The following BRWD3 variants were observed in gnomAD, a reference collection of about 807,000 sequenced individuals.
BRWD3 encodes bromodomain and WD repeat domain containing 3.
Under a neutral mutation model 149.7 loss-of-function variants are expected in BRWD3, and 10 were observed. That is an observed-to-expected ratio of 0.07 (90% confidence interval 0.04 to 0.11). The LOEUF is 0.11. Among genes scored for constraint, BRWD3 ranks in the 10% least tolerant of loss-of-function variants. The probability of loss-of-function intolerance (pLI) is 1.00; values close to 1 mark genes in which losing one functional copy is unlikely to be tolerated. For synonymous variants in BRWD3, 504 were observed against 456.7 expected (o/e 1.10, Z -1.32); for missense variants, 940 against 1,373.2 (o/e 0.68, Z 4.99).
At chrX:80,762,191 A>C (rs759615410) in intron 6 of BRWD3, among the ~76,000 whole-genome samples, 1 of 111,818 alleles carries the variant, frequency 8.9e-6, no homozygotes, top group African/African-American at 3.2e-5. Flanking sequence ...GTTTACAAGC[A>C]AACATGTTTT....
In BRWD3 at chrX:80,682,476, A is replaced by C. The variant is rs1206580381; in HGVS notation, c.4386T>G (p.Ser1462Arg). ...CAATGTAATGATACCTAGGTGCTCC[A>C]CTACTAGATAATGAACTGCTGCTGC... ...LRSSSSSLSS[S>R]GAPSPKGKQK... The change falls in exon 38 of 41, where the codon AGT (serine) becomes AGG (arginine). Residue 1462 changes from serine (S) to arginine (R), a missense_variant. Coordinates refer to ENST00000373275, the MANE Select transcript of BRWD3 (RefSeq NM_153252.5). 4 of 1,209,992 alleles carry C rather than the reference A, an allele frequency of 3.3e-6. No individual in the cohort carries two copies. The South Asian group carries it at 5.3e-5, about 16-fold the overall frequency.
At chrX:80,749,918 A>G (rs1341106428) in intron 6 of BRWD3, among the ~76,000 whole-genome samples, 1 of 111,628 alleles carries the variant, frequency 9.0e-6, no homozygotes, top group African/African-American at 3.3e-5. Flanking sequence ...AACAGGATAT[A>G]AAGTCCAGAA....
rs916504769 is a variant in BRWD3 at position 80,671,553 on chromosome X, A to C, written c.*5056T>G. On this transcript the variant is annotated 3_prime_UTR_variant, in exon 41 of 41. Transcript: ENST00000373275. ...AAGCAGCAAGAGTGCAATTGATTCC[A>C]AACAACTTGGAATTTTATTGTAAAC... The C allele has an allele frequency of 8.9e-6, 1 of 112,124 alleles. No homozygotes were observed. The highest frequency in any genetic ancestry group is 1.9e-5 in the Non-Finnish European group (1 of 53,223). The allele number at this position is 112,124 out of a possible 1,213,427, so 9.2% of individuals were successfully genotyped here.
rs553501091 is a variant in BRWD3 at position 80,672,107 on chromosome X, T to A, written c.*4502A>T. 2 of 110,502 alleles carry A rather than the reference T, an allele frequency of 1.8e-5. No homozygotes were observed. The highest frequency in any genetic ancestry group is 5.7e-4 in the East Asian group (2 of 3,489). 9.1% of individuals were successfully genotyped at this position (110,502 alleles called of 1,213,427 possible). A position where few individuals can be genotyped will look rare whatever the true frequency, so the allele number is the denominator to read the frequency against. ...ATATGTCAAAGTCTCACATTCTAGA[T>A]TTAATTTAGAAGAAATGGGCATACA... On this transcript the variant is annotated 3_prime_UTR_variant, in exon 41 of 41. Transcript: ENST00000373275.
At chrX:80,759,671 CG>C (rs1257095966) in intron 6 of BRWD3, among the ~76,000 whole-genome samples, 1 of 111,711 alleles carries the variant, frequency 9.0e-6, no homozygotes, top group Admixed American at 9.6e-5. Flanking sequence ...ATGGTCCTTT[CG>C]GGCATTTCTA....
intron 6 of BRWD3, among the ~76,000 whole-genome samples, chrX:80,752,487 C>T (rs184898877): frequency 4.5e-5 from 5 of 111,413 alleles, no homozygotes; most frequent in Admixed American, 2.9e-4. Flanking sequence ...TACTATTTAC[C>T]ACAGAGGCTG....
rs2072531597 is a variant in BRWD3 at position 80,686,751 on chromosome X, G to A, written c.4005+112C>T. 4 of 807,341 alleles carry A rather than the reference G, an allele frequency of 5.0e-6. No homozygotes were observed. In the Admixed American group the frequency reaches 1.1e-4, roughly 22 times the overall value. The allele number at this position is 807,341 out of a possible 1,213,427, so 66.5% of individuals were successfully genotyped here. On this transcript the variant is annotated intron_variant, in intron 35 of 40. Coordinates refer to ENST00000373275, the MANE Select transcript of BRWD3 (RefSeq NM_153252.5). ...CTACTACTTTCACAATCAAAAGACT[G>A]GAAAAAAAGAAAGGAAAGGAGAGGT...
intron 4 of BRWD3, among the ~76,000 whole-genome samples, chrX:80,804,845 A>G (rs903988559): frequency 2.7e-5 from 3 of 112,081 alleles, no homozygotes; most frequent in African/African-American, 9.7e-5. Flanking sequence ...AGTAACAGCC[A>G]ACTAGGAAGC....
chrX:80,755,326 T>TA (rs750989674), intron 6 of BRWD3, among the ~76,000 whole-genome samples: 18 of 110,877 alleles, frequency 1.6e-4, no homozygotes, highest in Non-Finnish European at 3.0e-4. Context: ...GATGATTTGG[T>TA]AAAAAAAAGT....
intron 13 of BRWD3, among the ~76,000 whole-genome samples, chrX:80,729,668 A>C (rs1339444616): frequency 1.8e-5 from 2 of 111,562 alleles, no homozygotes; most frequent in Non-Finnish European, 3.8e-5. Context: ...CTCTGTAGGC[A>C]TCAGTAGAAC....
chrX:80,798,866 T>A (rs2147863294), intron 4 of BRWD3, among the ~76,000 whole-genome samples: 2 of 111,636 alleles, frequency 1.8e-5, no homozygotes, highest in Admixed American at 1.9e-4. Context: ...AATGTAAGGA[T>A]CCCTATGTAT....
At chrX:80,735,079 G>T (rs1416425283) in intron 10 of BRWD3, 48 bp downstream of exon 10, 2 of 1,037,188 alleles carry the variant, frequency 1.9e-6, no homozygotes, top group East Asian at 3.0e-5. Flanking sequence ...TTCACAACTG[G>T]ATCGTTAAAT....
intron 6 of BRWD3, among the ~76,000 whole-genome samples, chrX:80,789,905 G>A (rs759964928): frequency 1.9e-5 from 2 of 106,444 alleles, no homozygotes; most frequent in South Asian, 4.3e-4. Flanking sequence ...CCAGGCAGGC[G>A]TGGTGGCTCA....
chrX:80,671,676 A>C lies in BRWD3; in HGVS notation c.*4933T>G, dbSNP rs1006371756. ...ACTGCCAAACAAAACATCTTTTATAAATCAAGCCAGTTTATATTACCTTTT... is the reference window on the plus strand; with the variant it reads ...ACTGCCAAACAAAACATCTTTTATACATCAAGCCAGTTTATATTACCTTTT... On this transcript the variant is annotated 3_prime_UTR_variant, in exon 41 of 41. Coordinates refer to ENST00000373275, the MANE Select transcript of BRWD3 (RefSeq NM_153252.5). 2.9e-4 allele frequency: 32 copies of C among 112,217 alleles called. No homozygotes were observed. Among genetic ancestry groups the C allele is most frequent in the African/African-American group, 1.0e-3 (31 of 30,901 alleles). 9.2% of individuals were successfully genotyped at this position (112,217 alleles called of 1,213,427 possible). A position where few individuals can be genotyped will look rare whatever the true frequency, so the allele number is the denominator to read the frequency against.
chrX:80,772,485 G>A (rs149070728), intron 6 of BRWD3, among the ~76,000 whole-genome samples: 1,867 of 110,795 alleles, frequency 0.017, 20 homozygotes, highest in Non-Finnish European at 0.027. Context: ...GAGGCCAGGG[G>A]AGGGATAGCA....
At chrX:80,776,701 G>T (rs994012119) in intron 6 of BRWD3, among the ~76,000 whole-genome samples, 4 of 111,495 alleles carry the variant, frequency 3.6e-5, no homozygotes, top group African/African-American at 1.3e-4. Flanking sequence ...ACTCCCTCTC[G>T]AGTGATTACT....
At chrX:80,692,015 T>G (rs771553689) in intron 29 of BRWD3, 37 bp from the exon 30 acceptor site, 1 of 1,176,585 alleles carries the variant, frequency 8.5e-7, no homozygotes, top group African/African-American at 1.8e-5. Flanking sequence ...TTAGAAAAAA[T>G]TATTTTCCAA....
At chrX:80,794,189 TA>T (rs1402066036) in intron 4 of BRWD3, among the ~76,000 whole-genome samples, 1 of 107,792 alleles carries the variant, frequency 9.3e-6, no homozygotes, top group Non-Finnish European at 1.9e-5. Flanking sequence ...AAAAAAGAAA[TA>T]AAAAAAATAA....
intron 14 of BRWD3, among the ~76,000 whole-genome samples, chrX:80,725,790 TATAAC>T (rs2073213421): frequency 2.1e-5 from 2 of 96,903 alleles, no homozygotes; most frequent in African/African-American, 8.3e-5. Context: ...CTATATAACG[TATAAC>T]ATGTTTACAT....
Sources: gnomAD v4.1 joint callset for allele counts (sites outside exome capture counted in the v4.1 genomes callset) on GRCh38, gnomAD v4.1.1 for gene constraint, MANE v1.5 for transcripts, NCBI Gene and HGNC (gene_info 2026-07-23, HGNC 2026-07-21) for gene names.